The following ZNF804A variants were observed in gnomAD, a reference collection of about 807,000 sequenced individuals.
ZNF804A encodes zinc finger protein 804A.
ZNF804A carries 2 observed loss-of-function variants against 16.5 expected under a neutral mutation model. The observed-to-expected ratio is 0.12, with a 90% CI of 0.05 to 0.38. The LOEUF is 0.38. Among genes scored for constraint, ZNF804A ranks in the 10% least tolerant of loss-of-function variants. The pLI, the probability that ZNF804A is intolerant of heterozygous loss-of-function variation, is 0.99. For missense variants in ZNF804A, 1,473 were observed against 1,390.7 expected, an observed-to-expected ratio of 1.06 and a Z score of -0.94; for synonymous variants, 534 against 489.6, an observed-to-expected ratio of 1.09 and a Z score of -1.20.
intron 1 of ZNF804A, 115 bp downstream of exon 1, chr2:184,599,185 C>G: frequency 2.5e-6 from 2 of 815,870 alleles, no homozygotes; most frequent in Non-Finnish European, 4.0e-6. Flanking sequence ...ATTTTTTTAT[C>G]TGGTGGGCGT....
chr2:184,623,271 A>T (rs1032855841), intron 1 of ZNF804A, among the ~76,000 whole-genome samples: 6 of 152,224 alleles, frequency 3.9e-5, no homozygotes, highest in African/African-American at 1.2e-4. Flanking sequence ...AAATAAATTT[A>T]CTAAAAAATA....
intron 1 of ZNF804A, among the ~76,000 whole-genome samples, chr2:184,849,220 G>T (rs893782537): frequency 2.6e-5 from 4 of 151,920 alleles, no homozygotes; most frequent in Admixed American, 6.6e-5. Flanking sequence ...TCAGAATTTT[G>T]GGTTGTTAAT....
intron 2 of ZNF804A, among the ~76,000 whole-genome samples, chr2:184,930,093 C>A (rs1042857078): frequency 7.2e-5 from 11 of 152,070 alleles, no homozygotes; most frequent in Non-Finnish European, 1.6e-4. Flanking sequence ...TAAAAAAAAT[C>A]TCAGCCTTTT....
chr2:184,864,988 C>T (rs1201457770), intron 1 of ZNF804A, among the ~76,000 whole-genome samples: 1 of 146,420 alleles, frequency 6.8e-6, no homozygotes, highest in East Asian at 2.0e-4. Flanking sequence ...TCAAGCAATT[C>T]TCCTGCCTCG....
chr2:184,659,072 A>G (rs900406312), intron 1 of ZNF804A, among the ~76,000 whole-genome samples: 2 of 152,182 alleles, frequency 1.3e-5, no homozygotes, highest in African/African-American at 4.8e-5. Flanking sequence ...AACCAATAAA[A>G]ACCCCAATAT....
chr2:184,768,903 C>T (rs190853781), intron 1 of ZNF804A, among the ~76,000 whole-genome samples: 10 of 152,064 alleles, frequency 6.6e-5, no homozygotes, highest in African/African-American at 2.4e-4. Flanking sequence ...ACCCTTTAGT[C>T]GATTTTGTCT....
intron 2 of ZNF804A, among the ~76,000 whole-genome samples, chr2:184,899,410 C>G (rs1333868269): frequency 6.6e-6 from 1 of 151,970 alleles, no homozygotes; most frequent in East Asian, 1.9e-4. Flanking sequence ...TACTTGCTAA[C>G]TGATGAATGA....
At chr2:184,797,441 T>C (rs1316255775) in intron 1 of ZNF804A, among the ~76,000 whole-genome samples, 3 of 152,112 alleles carry the variant, frequency 2.0e-5, no homozygotes, top group Non-Finnish European at 4.4e-5. Context: ...ATATAAAGAA[T>C]AGCTACCCCT....
intron 1 of ZNF804A, among the ~76,000 whole-genome samples, chr2:184,728,743 A>G (rs1693463532): frequency 6.6e-6 from 1 of 151,892 alleles, no homozygotes; most frequent in African/African-American, 2.4e-5. Context: ...AGAGATCTTG[A>G]TTTAGCTTGC....
chr2:184,689,319 A>G (rs1172693930), intron 1 of ZNF804A, among the ~76,000 whole-genome samples: 1 of 152,156 alleles, frequency 6.6e-6, no homozygotes, highest in Non-Finnish European at 1.5e-5. Flanking sequence ...ACACTGATGA[A>G]AAATTGCTCA....
At chr2:184,705,465 A>T (rs1693008807) in intron 1 of ZNF804A, among the ~76,000 whole-genome samples, 1 of 152,178 alleles carries the variant, frequency 6.6e-6, no homozygotes, top group Admixed American at 6.5e-5. Flanking sequence ...AGCTAAAAAG[A>T]TAACCCAGAA....
At chr2:184,731,251 C>CAAAAAAA (rs563068533) in intron 1 of ZNF804A, among the ~76,000 whole-genome samples, 14 of 45,296 alleles carry the variant, frequency 3.1e-4, no homozygotes, top group Non-Finnish European at 4.2e-4. Flanking sequence ...GGCTCCGTCG[C>CAAAAAAA]AAAAAAAAAA....
At chr2:184,794,361 G>A (rs981706466) in intron 1 of ZNF804A, among the ~76,000 whole-genome samples, 4 of 151,846 alleles carry the variant, frequency 2.6e-5, no homozygotes, top group Admixed American at 6.6e-5. Flanking sequence ...TTGGCCATTC[G>A]TATATCTTGT....
At chr2:184,698,694 T>C (rs961119164) in intron 1 of ZNF804A, among the ~76,000 whole-genome samples, 9 of 152,094 alleles carry the variant, frequency 5.9e-5, no homozygotes, top group Non-Finnish European at 1.2e-4. Context: ...AGTTCAAGTA[T>C]GTCAGGTAGA....
chr2:184,684,332 T>C (rs1692594609), intron 1 of ZNF804A, among the ~76,000 whole-genome samples: 1 of 152,218 alleles, frequency 6.6e-6, no homozygotes, highest in Non-Finnish European at 1.5e-5. Flanking sequence ...AAATTGTGTT[T>C]ATGTAAATGA....
chr2:184,899,852 A>C (rs1685149349), intron 2 of ZNF804A, among the ~76,000 whole-genome samples: 1 of 151,982 alleles, frequency 6.6e-6, no homozygotes, highest in Non-Finnish European at 1.5e-5. Context: ...CTAAGCATTT[A>C]GATTGTCGTT....
At chr2:184,686,422 A>G (rs1218255453) in intron 1 of ZNF804A, among the ~76,000 whole-genome samples, 1 of 152,114 alleles carries the variant, frequency 6.6e-6, no homozygotes, top group Non-Finnish European at 1.5e-5. Flanking sequence ...TATGTACCAC[A>G]CTTTCTTTAT....
intron 1 of ZNF804A, among the ~76,000 whole-genome samples, chr2:184,672,620 T>C (rs1692354359): frequency 1.3e-5 from 2 of 152,010 alleles, no homozygotes; most frequent in South Asian, 4.1e-4. Context: ...ATTTATTACA[T>C]TTACTTTTTG....
chr2:184,773,180 TA>T (rs539488794), intron 1 of ZNF804A, among the ~76,000 whole-genome samples: 3 of 151,214 alleles, frequency 2.0e-5, no homozygotes, highest in African/African-American at 7.3e-5. Context: ...AGCTTACTTT[TA>T]AAAAAAACAG....
Sources: gnomAD v4.1 joint callset for allele counts (sites outside exome capture counted in the v4.1 genomes callset) on GRCh38, gnomAD v4.1.1 for gene constraint, MANE v1.5 for transcripts, NCBI Gene and HGNC (gene_info 2026-07-23, HGNC 2026-07-21) for gene names.